TAF3: variants seen among roughly 807,000 people sequenced by gnomAD.
The protein encoded by TAF3 is TATA-box binding protein associated factor 3.
A neutral mutation model predicts 80.6 loss-of-function variants in TAF3; 7 were observed. The observed-to-expected ratio is 0.09, with a 90% CI of 0.05 to 0.16. The LOEUF is 0.16. Among genes scored for constraint, TAF3 ranks in the 10% least tolerant of loss-of-function variants. TAF3 has a pLI of 1.00. For missense variants in TAF3, 921 were observed against 1,140.2 expected, an observed-to-expected ratio of 0.81 and a Z score of 2.77; for synonymous variants, 444 against 446.1, an observed-to-expected ratio of 1.00 and a Z score of 0.06.
intron 4 of TAF3, among the ~76,000 whole-genome samples, chr10:7,997,897 C>T (rs1831904558): frequency 6.6e-6 from 1 of 152,134 alleles, no homozygotes; most frequent in African/African-American, 2.4e-5. Flanking sequence ...ATTATTTTTA[C>T]AACGATCAAT....
chr10:7,823,334 T>TA (rs948457411), intron 1 of TAF3, among the ~76,000 whole-genome samples: 110 of 135,724 alleles, frequency 8.1e-4, no homozygotes, highest in Middle Eastern at 3.7e-3. Context: ...ATTTGATGAT[T>TA]AAAAAAAAAA....
Position 7,865,498 on chromosome 10 carries a change from CAAACAAAG to C in TAF3, c.409+40946_409+40953del, listed in dbSNP as rs879376187. 9.3e-3 allele frequency among the ~76,000 whole-genome samples: 1,039 copies of C among 111,698 alleles called. 4 individuals carry two copies. The highest frequency in any genetic ancestry group is 0.03 in the Middle Eastern group (6 of 198). 73.3% of individuals were successfully genotyped at this position (111,698 alleles called of 152,430 possible). A position where few individuals can be genotyped will look rare whatever the true frequency, so the allele number is the denominator to read the frequency against. On this transcript the variant is annotated intron_variant, in intron 2 of 6. Coordinates refer to ENST00000344293, the MANE Select transcript of TAF3 (RefSeq NM_031923.4). The stretch of plus-strand genomic sequence containing the variant: ...CGTCTCAAACAAACAAACAAACAAA[CAAACAAAG>C]AAACAAACAGAAAGTAGGGGAGCAA...
chr10:7,977,488 C>T (rs1235226522), intron 4 of TAF3, among the ~76,000 whole-genome samples, 165 bp downstream of exon 4: 4 of 152,120 alleles, frequency 2.6e-5, no homozygotes, highest in African/African-American at 9.7e-5. Context: ...GTTTCTTTCA[C>T]AGAGTAAATG....
At chr10:7,916,018 A>G (rs1337951889) in intron 2 of TAF3, among the ~76,000 whole-genome samples, 4 of 151,956 alleles carry the variant, frequency 2.6e-5, no homozygotes, top group African/African-American at 9.7e-5. Context: ...TTAAAGCCCC[A>G]GTCTTGTTAG....
intron 2 of TAF3, among the ~76,000 whole-genome samples, chr10:7,871,249 A>G (rs1588533109): frequency 6.6e-6 from 1 of 152,240 alleles, no homozygotes; most frequent in Non-Finnish European, 1.5e-5. Flanking sequence ...TACTTCAAAC[A>G]AAGGAAATAT....
intron 2 of TAF3, among the ~76,000 whole-genome samples, chr10:7,890,249 A>G (rs1392754464): frequency 6.6e-6 from 1 of 152,184 alleles, no homozygotes; most frequent in Non-Finnish European, 1.5e-5. Flanking sequence ...TCTGCCTGCT[A>G]AACTTCTGTA....
intron 2 of TAF3, among the ~76,000 whole-genome samples, chr10:7,839,388 A>G (rs899960022): frequency 5.3e-5 from 8 of 152,196 alleles, no homozygotes; most frequent in East Asian, 1.9e-4. Context: ...CAGAAAACCT[A>G]TGGTCCTGCT....
At chr10:7,903,805 A>C (rs191643879) in intron 2 of TAF3, among the ~76,000 whole-genome samples, 14 of 152,196 alleles carry the variant, frequency 9.2e-5, no homozygotes, top group African/African-American at 3.4e-4. Context: ...TTTGCTTGGA[A>C]GTTCTGTGGA....
chr10:7,976,805 A>C (rs1564375739), intron 3 of TAF3, among the ~76,000 whole-genome samples: 1 of 152,202 alleles, frequency 6.6e-6, no homozygotes, highest in Non-Finnish European at 1.5e-5. Flanking sequence ...TTCTCATTTG[A>C]TAACGCAAAC....
chr10:7,983,112 T>G (rs1445008675), intron 4 of TAF3, among the ~76,000 whole-genome samples: 1 of 152,218 alleles, frequency 6.6e-6, no homozygotes, highest in Non-Finnish European at 1.5e-5. Flanking sequence ...CCTCTTCTCA[T>G]CTGGCCTCTG....
At chr10:7,976,322 C>G (rs1007016096) in intron 3 of TAF3, among the ~76,000 whole-genome samples, 7 of 151,616 alleles carry the variant, frequency 4.6e-5, no homozygotes, top group Non-Finnish European at 1.0e-4. Flanking sequence ...TCTCAGCTCA[C>G]TGCAACCTCC....
At chr10:7,856,394 C>T (rs1038015596) in intron 2 of TAF3, among the ~76,000 whole-genome samples, 11 of 152,242 alleles carry the variant, frequency 7.2e-5, no homozygotes, top group East Asian at 5.8e-4. Flanking sequence ...GCAGGAGAAT[C>T]GCTTGAACCC....
At chr10:7,858,135 A>C (rs1837100971) in intron 2 of TAF3, among the ~76,000 whole-genome samples, 1 of 152,156 alleles carries the variant, frequency 6.6e-6, no homozygotes, top group African/African-American at 2.4e-5. Context: ...CCATAGTAAA[A>C]GAACTATGGG....
rs1160170910 is a variant in TAF3 at position 7,963,011 on chromosome 10, TGA to T, written c.410-903_410-902del. Among the ~76,000 whole-genome samples the T allele has an allele frequency of 2.0e-5, 3 of 152,192 alleles. No homozygotes were observed. In the East Asian group the frequency reaches 5.8e-4, roughly 29 times the overall value. On this transcript the variant is annotated intron_variant, in intron 2 of 6. Transcript: ENST00000344293. ...GATTAGGAAACAGGCTCAGAGAGGT[TGA>T]GAGAGTCCCTAAGGCTGGTTGCTCT...
chr10:7,870,902 T>C (rs930141442), intron 2 of TAF3, among the ~76,000 whole-genome samples: 2 of 152,098 alleles, frequency 1.3e-5, no homozygotes, highest in African/African-American at 4.8e-5. Flanking sequence ...TCTTGTAATA[T>C]GAAAAAAAAT....
intron 2 of TAF3, among the ~76,000 whole-genome samples, chr10:7,855,073 G>C (rs903207311): frequency 5.3e-5 from 8 of 152,130 alleles, no homozygotes; most frequent in African/African-American, 1.9e-4. Flanking sequence ...AAAGGCAAGA[G>C]TAACCCATTT....
intron 2 of TAF3, among the ~76,000 whole-genome samples, chr10:7,864,416 ATAGT>A: frequency 1.3e-5 from 2 of 152,336 alleles, no homozygotes; most frequent in Middle Eastern, 3.4e-3. Flanking sequence ...ATTGTGTCAC[ATAGT>A]TAACTCTTTG....
intron 4 of TAF3, among the ~76,000 whole-genome samples, chr10:8,002,436 C>A (rs991173134): frequency 6.6e-6 from 1 of 152,140 alleles, no homozygotes; most frequent in Non-Finnish European, 1.5e-5. Flanking sequence ...TCTGGATCAG[C>A]TTTTGTTTCT....
intron 1 of TAF3, among the ~76,000 whole-genome samples, chr10:7,824,093 CT>C (rs1370751488): frequency 1.3e-5 from 2 of 151,896 alleles, no homozygotes; most frequent in African/African-American, 4.8e-5. Flanking sequence ...TGTGGTTTTT[CT>C]GTGGTGTTCT....
Sources: gnomAD v4.1 joint callset for allele counts (sites outside exome capture counted in the v4.1 genomes callset) on GRCh38, gnomAD v4.1.1 for gene constraint, MANE v1.5 for transcripts, NCBI Gene and HGNC (gene_info 2026-07-23, HGNC 2026-07-21) for gene names.